The following SSBP3 variants were observed in gnomAD, a reference collection of about 807,000 sequenced individuals.
The protein encoded by SSBP3 is single-stranded DNA-binding protein 3.
In SSBP3, 5 loss-of-function variants were observed where a neutral mutation model predicts 69.6. That is an observed-to-expected ratio of 0.07 (90% CI 0.04 to 0.15). The LOEUF is 0.15. SSBP3 is among the 10% of genes least tolerant of loss of function. The pLI is 1.00. For missense variants in SSBP3, 312 were observed against 534.0 expected (o/e 0.58, Z 4.10); for synonymous variants, 196 against 193.4 (o/e 1.01, Z -0.11).
chr1:54,251,747 C>A (rs1439755908), intron 8 of SSBP3, 47 bp downstream of exon 8: 2 of 1,594,662 alleles, frequency 1.3e-6, no homozygotes, highest in Non-Finnish European at 8.5e-7. Context: ...GAGGAGGAGC[C>A]CCTCCTGGCA....
At chr1:54,294,170 AGAAAGAAAG>A (rs1645662234) in intron 4 of SSBP3, among the ~76,000 whole-genome samples, 1 of 77,536 alleles carries the variant, frequency 1.3e-5, no homozygotes, top group African/African-American at 4.3e-5. Context: ...AAAGAAAGAA[AGAAAGAAAG>A]AAAGAAAGAA....
chr1:54,282,065 TAATAATAAA>T (rs1432266337), intron 4 of SSBP3, among the ~76,000 whole-genome samples: 4 of 150,740 alleles, frequency 2.7e-5, no homozygotes, highest in African/African-American at 9.7e-5. Context: ...ATAATAATAA[TAATAATAAA>T]AAAATGGGGG....
intron 4 of SSBP3, among the ~76,000 whole-genome samples, chr1:54,300,465 G>A (rs1410326505): frequency 6.6e-6 from 1 of 152,186 alleles, no homozygotes; most frequent in African/African-American, 2.4e-5. Flanking sequence ...GGCACACGGA[G>A]ACACTCGGTC....
At chr1:54,372,905 T>C (rs1647157947) in intron 4 of SSBP3, among the ~76,000 whole-genome samples, 1 of 152,248 alleles carries the variant, frequency 6.6e-6, no homozygotes, top group African/African-American at 2.4e-5. Context: ...GCAGACCCTA[T>C]GCCTAGTCCT....
intron 4 of SSBP3, among the ~76,000 whole-genome samples, chr1:54,282,277 CA>C (rs1553130891): frequency 6.6e-6 from 1 of 152,202 alleles, no homozygotes; most frequent in Non-Finnish European, 1.5e-5. Context: ...GTGCCCTCTG[CA>C]AGTGGCTGGC....
At chr1:54,403,970 T>A (rs1649495625) in intron 3 of SSBP3, among the ~76,000 whole-genome samples, 1 of 137,778 alleles carries the variant, frequency 7.3e-6, no homozygotes, top group African/African-American at 2.7e-5. Flanking sequence ...CGAGGTCGAC[T>A]CTGACCAGTT....
chr1:54,349,749 CAGATATCTTTTTCA>C (rs1646751957), intron 4 of SSBP3, among the ~76,000 whole-genome samples: 1 of 151,674 alleles, frequency 6.6e-6, no homozygotes, highest in Non-Finnish European at 1.5e-5. Flanking sequence ...CATTATTTTA[CAGATATCTTTTTCA>C]AGAAATGCCT....
chr1:54,317,049 G>A (rs1646127316), intron 4 of SSBP3, among the ~76,000 whole-genome samples: 2 of 152,088 alleles, frequency 1.3e-5, no homozygotes. Flanking sequence ...CTTCAACAAT[G>A]TGAATTTTGG....
chr1:54,239,104 G>A (rs201358342), intron 14 of SSBP3, 25 bp downstream of exon 14: 2 of 1,595,550 alleles, frequency 1.3e-6, no homozygotes, highest in East Asian at 2.2e-5. Context: ...TGTCTGATAT[G>A]TAAATTATTA....
At chr1:54,254,398 A>C (rs1018714702) in intron 7 of SSBP3, among the ~76,000 whole-genome samples, 1 of 152,158 alleles carries the variant, frequency 6.6e-6, no homozygotes, top group Non-Finnish European at 1.5e-5. Context: ...ACTCTCTCCT[A>C]AACCCGGCTG....
chr1:54,411,642 C>T (rs1369736004), intron 1 of SSBP3, among the ~76,000 whole-genome samples: 6 of 151,970 alleles, frequency 3.9e-5, no homozygotes, highest in Non-Finnish European at 7.4e-5. Flanking sequence ...CCTGTAATCC[C>T]GGCACTTGTG....
chr1:54,316,641 C>G (rs1646104053), intron 4 of SSBP3, among the ~76,000 whole-genome samples: 2 of 93,158 alleles, frequency 2.1e-5, no homozygotes, highest in Non-Finnish European at 3.7e-5. Flanking sequence ...GAGCGAGACT[C>G]CGTCTCAAAA....
At chr1:54,373,062 CTG>C (rs1237648288) in intron 4 of SSBP3, among the ~76,000 whole-genome samples, 3 of 152,218 alleles carry the variant, frequency 2.0e-5, no homozygotes, top group Non-Finnish European at 2.9e-5. Context: ...ACGCGTGACT[CTG>C]TGTGCCTGGG....
intron 4 of SSBP3, among the ~76,000 whole-genome samples, chr1:54,393,513 G>T (rs1413497801): frequency 6.6e-6 from 1 of 152,170 alleles, no homozygotes; most frequent in African/African-American, 2.4e-5. Flanking sequence ...GCACAGGCCG[G>T]GTGTAGTGGC....
intron 4 of SSBP3, among the ~76,000 whole-genome samples, chr1:54,309,279 G>A (rs1165947841): frequency 6.6e-6 from 1 of 152,196 alleles, no homozygotes; most frequent in East Asian, 1.9e-4. Flanking sequence ...ATTTCAAACT[G>A]AGCCACCCCC....
At chr1:54,263,994 A>G (rs919266624) in intron 5 of SSBP3, among the ~76,000 whole-genome samples, 2 of 152,076 alleles carry the variant, frequency 1.3e-5, no homozygotes, top group Non-Finnish European at 2.9e-5. Flanking sequence ...AACCAAAACA[A>G]AAACAAAAAC....
In SSBP3 at chr1:54,227,580, TTC is replaced by T. The variant is rs555703125; in HGVS notation, c.1138-422_1138-421del. On this transcript the variant is annotated intron_variant, in intron 17 of 17. Coordinates refer to ENST00000610401, the Ensembl canonical transcript of SSBP3. ...GGGGTGGGGCCAGTCTGGGATTCTT[TTC>T]TGTTTTTCTTTTTGAGACAAGGTCT... 4.0e-3 allele frequency among the ~76,000 whole-genome samples: 613 copies of T among 152,164 alleles called. 1 individual carries two copies. Among genetic ancestry groups the T allele is most frequent in the African/African-American group, 0.013 (538 of 41,502 alleles).
intron 14 of SSBP3, among the ~76,000 whole-genome samples, chr1:54,233,388 T>G (rs1384579021): frequency 7.8e-6 from 1 of 127,624 alleles, no homozygotes; most frequent in Non-Finnish European, 1.7e-5. Flanking sequence ...GCCCGGCAGC[T>G]GCCCCGTCTG....
chr1:54,236,032 T>C (rs1644486083), intron 14 of SSBP3, among the ~76,000 whole-genome samples: 2 of 152,260 alleles, frequency 1.3e-5, no homozygotes, highest in African/African-American at 4.8e-5. Context: ...TAGCCCCATC[T>C]AGGCTCCTCG....
Sources: gnomAD v4.1 joint callset for allele counts (sites outside exome capture counted in the v4.1 genomes callset) on GRCh38, gnomAD v4.1.1 for gene constraint, MANE v1.5 for transcripts, NCBI Gene and HGNC (gene_info 2026-07-23, HGNC 2026-07-21) for gene names.